Variants in NOSTRIN observed in about 807,000 individuals in gnomAD.
NOSTRIN encodes nitric oxide synthase trafficking, also known as BM247 homolog.
NOSTRIN carries 63 observed loss-of-function variants against 59.0 expected under a neutral mutation model. That is an observed-to-expected ratio of 1.07 (90% confidence interval 0.87 to 1.32). NOSTRIN has a LOEUF of 1.32. Among genes scored for constraint, NOSTRIN ranks in the 40% most tolerant of loss-of-function variants. The probability of loss-of-function intolerance (pLI) is 0.00; values close to 1 mark genes in which losing one functional copy is unlikely to be tolerated. For synonymous variants in NOSTRIN, 200 were observed against 165.4 expected (o/e 1.21, Z -1.61); for missense variants, 512 against 473.1 (o/e 1.08, Z -0.76).
chr2:168,834,509 A>ACACACACACG (rs1553527219), intron 7 of NOSTRIN, among the ~76,000 whole-genome samples, 184 bp downstream of exon 7: 1,094 of 41,702 alleles, frequency 0.026, 17 homozygotes, highest in African/African-American at 0.041. Context: ...GCGCGCGCGC[A>ACACACACACG]CACACACACA....
At chr2:168,795,323 G>T (rs552191371), upstream of NOSTRIN, among the ~76,000 whole-genome samples, 19 of 152,266 alleles carry the variant, frequency 1.2e-4, no homozygotes, top group South Asian at 3.7e-3. Context: ...GGAAGTAATG[G>T]CACATAAATA....
chr2:168,860,792 C>G lies in NOSTRIN; in HGVS notation c.1180-3C>G. ...AATATGACTTTTTATGTCATTTGAA[C>G]AGGAGCATACTCATAGCTATGTGAA... is the stretch of plus-strand genomic sequence containing the variant. On this transcript the variant is annotated splice_region_variant and splice_polypyrimidine_tract_variant and intron_variant, in intron 13 of 15. Transcript: ENST00000317647. 6.4e-7 allele frequency: 1 copy of G among 1,557,126 alleles called. No homozygotes were observed.
At chr2:168,797,210 C>T (rs1049321914), upstream of NOSTRIN, among the ~76,000 whole-genome samples, 4 of 151,254 alleles carry the variant, frequency 2.6e-5, no homozygotes, top group African/African-American at 9.7e-5. Context: ...CCACCTCAGC[C>T]TCCTGAATAG....
chr2:168,807,568 A>G (rs917828717), intron 1 of NOSTRIN, among the ~76,000 whole-genome samples: 1 of 152,208 alleles, frequency 6.6e-6, no homozygotes, highest in Non-Finnish European at 1.5e-5. Context: ...TCTTGTAAGC[A>G]CATCTCTTAT....
chr2:168,863,598 G>A (rs1382471060), intron 15 of NOSTRIN: 1 of 985,052 alleles, frequency 1.0e-6, no homozygotes, highest in African/African-American at 1.7e-5. Flanking sequence ...AATTGATGTT[G>A]TATTAAAGTT....
intron 7 of NOSTRIN, among the ~76,000 whole-genome samples, chr2:168,838,658 G>A (rs989539755): frequency 6.6e-6 from 1 of 152,032 alleles, no homozygotes; most frequent in African/African-American, 2.4e-5. Flanking sequence ...TTTGCTTTCA[G>A]TGTTGCCTGT....
At chr2:168,854,083 G>A (rs2105766072) in intron 10 of NOSTRIN, among the ~76,000 whole-genome samples, 1 of 152,240 alleles carries the variant, frequency 6.6e-6, no homozygotes, top group African/African-American at 2.4e-5. Context: ...TGGCCAGGCT[G>A]GTCTCGAACT....
intron 1 of NOSTRIN, among the ~76,000 whole-genome samples, chr2:168,803,467 C>G (rs971605286): frequency 2.0e-5 from 3 of 152,120 alleles, no homozygotes; most frequent in Admixed American, 6.6e-5. Context: ...GTATTGATAA[C>G]ACAAACTGTG....
chr2:168,845,972 C>T (rs1688394996), intron 8 of NOSTRIN, among the ~76,000 whole-genome samples: 1 of 152,072 alleles, frequency 6.6e-6, no homozygotes, highest in African/African-American at 2.4e-5. Context: ...CCTACCCCAC[C>T]TTCCTCTGAG....
chr2:168,860,138 G>A (rs889003147), intron 13 of NOSTRIN, among the ~76,000 whole-genome samples: 3 of 152,106 alleles, frequency 2.0e-5, no homozygotes, highest in African/African-American at 7.2e-5. Context: ...TCAAGAGCTC[G>A]AAAACAATCT....
intron 11 of NOSTRIN, chr2:168,855,867 A>C (rs1380722281): frequency 1.8e-5 from 8 of 450,746 alleles, no homozygotes. Flanking sequence ...AAACCTTTCA[A>C]ATTAAATTCT....
chr2:168,797,088 T>C (rs1319247699), upstream of NOSTRIN, among the ~76,000 whole-genome samples: 1 of 130,346 alleles, frequency 7.7e-6, no homozygotes, highest in South Asian at 2.7e-4. Context: ...TCTTTTTTTT[T>C]TTTTTTTTTT....
intron 2 of NOSTRIN, among the ~76,000 whole-genome samples, chr2:168,791,719 G>T (rs1428813051): frequency 1.3e-5 from 2 of 149,106 alleles, no homozygotes; most frequent in Admixed American, 6.8e-5. Context: ...TTGTGGTTTT[G>T]ATTTGCATTT....
intron 13 of NOSTRIN, 59 bp from the exon 14 acceptor site, chr2:168,860,736 T>C: frequency 9.3e-7 from 1 of 1,073,616 alleles, no homozygotes; most frequent in Non-Finnish European, 1.4e-6. Flanking sequence ...AGAGTTAATT[T>C]TCATGAATGT....
At chr2:168,840,455 C>G (rs58865377) in intron 7 of NOSTRIN, among the ~76,000 whole-genome samples, 48,165 of 149,386 alleles carry the variant, frequency 0.32, 10,872 homozygotes, top group African/African-American at 0.65. Context: ...GCGTGAACCC[C>G]GGAGGCGGAG....
At chr2:168,830,421 A>C (rs985480533) in intron 5 of NOSTRIN, among the ~76,000 whole-genome samples, 12 of 152,342 alleles carry the variant, frequency 7.9e-5, no homozygotes, top group Admixed American at 7.8e-4. Context: ...TTCCAGACAC[A>C]TATGTGAAAT....
upstream of NOSTRIN, among the ~76,000 whole-genome samples, chr2:168,797,794 A>G (rs1685525411): frequency 6.6e-6 from 1 of 152,122 alleles, no homozygotes. Flanking sequence ...CTTGGGCAAC[A>G]TGGTGAGACC....
At chr2:168,858,276 G>A (rs536397952) in intron 12 of NOSTRIN, among the ~76,000 whole-genome samples, 2 of 152,324 alleles carry the variant, frequency 1.3e-5, no homozygotes, top group East Asian at 3.9e-4. Context: ...TCTGGTGAAG[G>A]AGCAACTATG....
At chr2:168,844,655 G>A (rs564668703) in intron 8 of NOSTRIN, among the ~76,000 whole-genome samples, 2 of 152,312 alleles carry the variant, frequency 1.3e-5, no homozygotes, top group Non-Finnish European at 2.9e-5. Context: ...CGGATCAAGA[G>A]GTCAGGAGAT....
Sources: allele counts gnomAD v4.1 joint callset (sites outside exome capture counted in the v4.1 genomes callset), GRCh38; gene constraint gnomAD v4.1.1; transcripts MANE v1.5; gene names NCBI Gene and HGNC (gene_info 2026-07-23, HGNC 2026-07-21).